AGBL4: variants seen among roughly 807,000 people sequenced by gnomAD.
AGBL4 encodes the protein AGBL carboxypeptidase 4.
Under a neutral mutation model 66.4 loss-of-function variants are expected in AGBL4, and 58 were observed. That is an observed-to-expected ratio of 0.87 (90% CI 0.71 to 1.09). AGBL4 has a LOEUF of 1.09. Among genes scored for constraint, AGBL4 ranks in the 50% least tolerant of loss-of-function variants. The probability of loss-of-function intolerance (pLI) is 0.00; values close to 1 mark genes in which losing one functional copy is unlikely to be tolerated. For missense variants in AGBL4, 579 were observed against 631.0 expected (o/e 0.92, Z 0.88); for synonymous variants, 234 against 222.9 (o/e 1.05, Z -0.44).
At chr1:49,193,921 T>G (rs1647174439) in intron 4 of AGBL4, among the ~76,000 whole-genome samples, 1 of 152,238 alleles carries the variant, frequency 6.6e-6, no homozygotes. Context: ...ATACTTGTTT[T>G]GTGACCTAAT....
intron 5 of AGBL4, among the ~76,000 whole-genome samples, chr1:49,041,988 A>G (rs778572475): frequency 6.6e-6 from 1 of 152,158 alleles, no homozygotes; most frequent in Non-Finnish European, 1.5e-5. Context: ...CTTAGCTTTT[A>G]AAGACATTCT....
chr1:49,524,661 C>T (rs929920485), intron 3 of AGBL4, among the ~76,000 whole-genome samples: 2 of 151,826 alleles, frequency 1.3e-5, no homozygotes, highest in Non-Finnish European at 2.9e-5. Flanking sequence ...ATTATAATGT[C>T]TCTCTCTTGC....
At chr1:48,545,522 C>T (rs1178429127) in intron 11 of AGBL4, among the ~76,000 whole-genome samples, 1 of 152,140 alleles carries the variant, frequency 6.6e-6, no homozygotes, top group Non-Finnish European at 1.5e-5. Flanking sequence ...GGCTGGAATG[C>T]TTTTCATTGT....
intron 1 of AGBL4, among the ~76,000 whole-genome samples, chr1:49,892,824 C>T (rs1648786355): frequency 6.6e-6 from 1 of 152,142 alleles, no homozygotes; most frequent in Non-Finnish European, 1.5e-5. Flanking sequence ...TCTTACCTTT[C>T]AACTTCAGTA....
chr1:49,513,502 T>C (rs1649467336), intron 3 of AGBL4, among the ~76,000 whole-genome samples: 1 of 152,022 alleles, frequency 6.6e-6, no homozygotes, highest in Non-Finnish European at 1.5e-5. Context: ...AATTTATAAG[T>C]GAGAACATGT....
chr1:48,630,474 G>T (rs1298785947), intron 9 of AGBL4, among the ~76,000 whole-genome samples: 1 of 151,954 alleles, frequency 6.6e-6, no homozygotes, highest in Non-Finnish European at 1.5e-5. Flanking sequence ...ACACTACTCG[G>T]CTGCCCAAGT....
chr1:48,915,028 G>GGA (rs1653466007), intron 5 of AGBL4, among the ~76,000 whole-genome samples: 2 of 152,192 alleles, frequency 1.3e-5, no homozygotes, highest in Non-Finnish European at 2.9e-5. Context: ...AAAGCAGACT[G>GGA]ATTCGTCCGT....
At chr1:49,992,729 T>C (rs1251570248) in intron 1 of AGBL4, among the ~76,000 whole-genome samples, 1 of 152,148 alleles carries the variant, frequency 6.6e-6, no homozygotes, top group Non-Finnish European at 1.5e-5. Context: ...CTATCCTTTT[T>C]GTATCCATCC....
intron 2 of AGBL4, among the ~76,000 whole-genome samples, chr1:49,702,343 T>C (rs1289333970): frequency 6.6e-6 from 1 of 151,900 alleles, no homozygotes; most frequent in East Asian, 1.9e-4. Context: ...ATACAAAAAT[T>C]AGCTGGGCAT....
At chr1:49,123,392 ATATT>A (rs1645700238) in intron 4 of AGBL4, among the ~76,000 whole-genome samples, 1 of 152,220 alleles carries the variant, frequency 6.6e-6, no homozygotes, top group East Asian at 1.9e-4. Flanking sequence ...TTGCCACTCA[ATATT>A]TATGAAAAGC....
intron 5 of AGBL4, among the ~76,000 whole-genome samples, chr1:49,010,520 A>G (rs904709609): frequency 1.0e-4 from 12 of 117,594 alleles, no homozygotes; most frequent in Non-Finnish European, 2.0e-4. Context: ...ACAGAATTGG[A>G]AAAAACTACT....
chr1:48,735,457 T>C (rs1420322528), intron 6 of AGBL4, among the ~76,000 whole-genome samples: 4 of 128,800 alleles, frequency 3.1e-5, no homozygotes, highest in Non-Finnish European at 6.5e-5. Context: ...GGAGAGAAAG[T>C]AGAGGAAGGA....
At chr1:48,960,820 A>G (rs1291242671) in intron 5 of AGBL4, among the ~76,000 whole-genome samples, 1 of 152,234 alleles carries the variant, frequency 6.6e-6, no homozygotes, top group Non-Finnish European at 1.5e-5. Flanking sequence ...TGTGAATATG[A>G]ATTTCTGAAT....
chr1:48,841,569 C>A (rs547034108), intron 6 of AGBL4, among the ~76,000 whole-genome samples: 1 of 152,008 alleles, frequency 6.6e-6, no homozygotes, highest in Non-Finnish European at 1.5e-5. Context: ...TCCAACCCCC[C>A]ACCTTATTTT....
chr1:49,768,141 T>C (rs1480376903), intron 2 of AGBL4, among the ~76,000 whole-genome samples: 1 of 152,010 alleles, frequency 6.6e-6, no homozygotes, highest in Admixed American at 6.6e-5. Flanking sequence ...TCCAAAAAAT[T>C]GAGGAGGAGG....
intron 1 of AGBL4, among the ~76,000 whole-genome samples, chr1:49,988,865 T>G (rs1659711633): frequency 6.6e-6 from 1 of 152,188 alleles, no homozygotes; most frequent in African/African-American, 2.4e-5. Flanking sequence ...ACTATATTTT[T>G]GATGTGCATT....
intron 4 of AGBL4, among the ~76,000 whole-genome samples, chr1:49,050,495 T>C (rs1203642892): frequency 6.6e-6 from 1 of 152,106 alleles, no homozygotes; most frequent in East Asian, 1.9e-4. Context: ...GATAAATGTT[T>C]GTGAATAAAT....
At chr1:49,390,082 T>G (rs1160371756) in intron 3 of AGBL4, among the ~76,000 whole-genome samples, 1 of 152,048 alleles carries the variant, frequency 6.6e-6, no homozygotes, top group South Asian at 2.1e-4. Context: ...CACTTCTGAA[T>G]GGTTTGTGAG....
chr1:49,094,780 A>G (rs1289420705), intron 4 of AGBL4, among the ~76,000 whole-genome samples: 2 of 152,320 alleles, frequency 1.3e-5, no homozygotes, highest in East Asian at 3.9e-4. Flanking sequence ...CTGGCACAAG[A>G]CAGGGATGAC....
Sources: gnomAD v4.1 joint callset for allele counts (sites outside exome capture counted in the v4.1 genomes callset) on GRCh38, gnomAD v4.1.1 for gene constraint, MANE v1.5 for transcripts, NCBI Gene and HGNC (gene_info 2026-07-23, HGNC 2026-07-21) for gene names.